Variants in SND1 observed in about 807,000 individuals in gnomAD.
SND1 encodes staphylococcal nuclease and tudor domain containing 1.
Under a neutral mutation model 121.7 loss-of-function variants are expected in SND1, and 38 were observed. The observed-to-expected ratio is 0.31, with a 90% confidence interval of 0.24 to 0.41. The LOEUF (loss-of-function observed/expected upper bound fraction) is 0.41. SND1 is among the 10% of genes least tolerant of loss of function. The pLI is 1.00. For missense variants in SND1, 868 were observed against 1,184.6 expected (o/e 0.73, Z 3.92); for synonymous variants, 401 against 447.4 (o/e 0.90, Z 1.31).
intron 16 of SND1, among the ~76,000 whole-genome samples, chr7:128,018,164 C>CA (rs2116958931): frequency 6.6e-6 from 1 of 152,328 alleles, no homozygotes; most frequent in South Asian, 2.1e-4. Context: ...TGTGTGTCAG[C>CA]AAAAGAAGCA....
At chr7:127,742,266 G>A (rs1455334588) in intron 10 of SND1, among the ~76,000 whole-genome samples, 1 of 152,130 alleles carries the variant, frequency 6.6e-6, no homozygotes, top group Non-Finnish European at 1.5e-5. Context: ...TGTTTAAATT[G>A]CATCAAATTA....
intron 16 of SND1, among the ~76,000 whole-genome samples, chr7:128,020,337 T>C (rs1046909192): frequency 2.0e-5 from 3 of 152,132 alleles, no homozygotes; most frequent in Non-Finnish European, 2.9e-5. Context: ...GGGGCACTAA[T>C]CACTTTGCCA....
intron 13 of SND1, among the ~76,000 whole-genome samples, chr7:127,890,417 G>A (rs534314613): frequency 4.6e-5 from 7 of 152,254 alleles, no homozygotes; most frequent in South Asian, 2.1e-4. Context: ...AGTAGGAAAT[G>A]GAACAATTAC....
chr7:127,861,672 C>T (rs1284669615), intron 12 of SND1, among the ~76,000 whole-genome samples: 3 of 152,180 alleles, frequency 2.0e-5, no homozygotes, highest in Non-Finnish European at 4.4e-5. Flanking sequence ...GACAGGGTTT[C>T]GCCATGTTGG....
chr7:127,818,079 C>G (rs367622400), intron 11 of SND1, among the ~76,000 whole-genome samples: 2 of 152,124 alleles, frequency 1.3e-5, no homozygotes, highest in African/African-American at 4.8e-5. Flanking sequence ...TCCTTGTCAC[C>G]TGCTTTTTAA....
At chr7:127,852,820 AAG>A (rs1385035496) in intron 12 of SND1, among the ~76,000 whole-genome samples, 1 of 152,090 alleles carries the variant, frequency 6.6e-6, no homozygotes, top group East Asian at 1.9e-4. Flanking sequence ...CAAAAAAAAA[AAG>A]AAGAAAAAGA....
chr7:127,691,221 AAAAAATT>A (rs1425134462), intron 2 of SND1, among the ~76,000 whole-genome samples: 1 of 152,206 alleles, frequency 6.6e-6, no homozygotes, highest in African/African-American at 2.4e-5. Flanking sequence ...GAAATAAAAA[AAAAAATT>A]AAGAAATACT....
chr7:127,910,672 G>A lies in SND1; in HGVS notation c.1527+5853G>A, dbSNP rs182409832. 3.9e-5 allele frequency among the ~76,000 whole-genome samples: 6 copies of A among 152,166 alleles called. No individual in the cohort carries two copies. In the East Asian group the frequency reaches 1.2e-3, roughly 29 times the overall value. ...TTTTTCTAGTCTCTGGTATTTGATG[G>A]CACAAATGCTCTCTGAGTGTATTTG... On this transcript the variant is annotated intron_variant, in intron 14 of 23. Transcript: ENST00000354725.
At chr7:127,897,461 G>A (rs1800143222) in intron 13 of SND1, among the ~76,000 whole-genome samples, 1 of 152,092 alleles carries the variant, frequency 6.6e-6, no homozygotes, top group Non-Finnish European at 1.5e-5. Flanking sequence ...TGATTTCAGT[G>A]AACAAGTAAA....
At chr7:127,926,553 T>TC (rs1800839063) in intron 14 of SND1, among the ~76,000 whole-genome samples, 1 of 135,190 alleles carries the variant, frequency 7.4e-6, no homozygotes, top group Non-Finnish European at 1.6e-5. Flanking sequence ...CTTTTTCTTT[T>TC]TTTTTTTTTT....
chr7:127,834,538 C>G (rs1297945544), intron 11 of SND1, among the ~76,000 whole-genome samples: 2 of 152,132 alleles, frequency 1.3e-5, no homozygotes, highest in African/African-American at 2.4e-5. Flanking sequence ...TGTCATTGTT[C>G]TATGCACGCC....
chr7:127,764,354 C>T (rs1170493959), intron 10 of SND1, among the ~76,000 whole-genome samples: 3 of 152,234 alleles, frequency 2.0e-5, no homozygotes, highest in Non-Finnish European at 2.9e-5. Flanking sequence ...GTTAGCTCCA[C>T]TGAGTAGGTA....
At chr7:127,912,326 G>A (rs1428857773) in intron 14 of SND1, among the ~76,000 whole-genome samples, 1 of 152,058 alleles carries the variant, frequency 6.6e-6, no homozygotes, top group Non-Finnish European at 1.5e-5. Flanking sequence ...ACCTCCTTTT[G>A]TAGATCTTAG....
At chr7:127,822,181 C>G (rs1798560258) in intron 11 of SND1, among the ~76,000 whole-genome samples, 4 of 152,088 alleles carry the variant, frequency 2.6e-5, no homozygotes, top group Admixed American at 2.6e-4. Flanking sequence ...CTTGTAAGTC[C>G]TTTCAGGGTT....
At chr7:128,007,413 C>T (rs965899931) in intron 16 of SND1, among the ~76,000 whole-genome samples, 2 of 152,120 alleles carry the variant, frequency 1.3e-5, no homozygotes, top group Admixed American at 6.5e-5. Context: ...GGAAGTGGCT[C>T]GGCTCCTAGT....
chr7:128,019,988 T>C (rs1483391887), intron 16 of SND1, among the ~76,000 whole-genome samples: 1 of 152,176 alleles, frequency 6.6e-6, no homozygotes, highest in Non-Finnish European at 1.5e-5. Context: ...TGCATGACCT[T>C]GAACAGACCT....
chr7:127,752,098 C>T (rs1365267997), intron 10 of SND1, among the ~76,000 whole-genome samples: 4 of 152,212 alleles, frequency 2.6e-5, no homozygotes, highest in Admixed American at 6.5e-5. Context: ...TCTGCCTTTC[C>T]CCTTCTCATC....
intron 22 of SND1, chr7:128,089,936 C>G: frequency 4.1e-6 from 2 of 491,620 alleles, no homozygotes; most frequent in Non-Finnish European, 7.4e-6. Context: ...GCTTCCCTCC[C>G]CATGTACCCC....
At chr7:127,760,083 A>G (rs1313896142) in intron 10 of SND1, among the ~76,000 whole-genome samples, 4 of 152,070 alleles carry the variant, frequency 2.6e-5, no homozygotes, top group Admixed American at 6.5e-5. Context: ...TGCCCTCCCT[A>G]TGGACTCCCC....
Sources: gnomAD v4.1 joint callset for allele counts (sites outside exome capture counted in the v4.1 genomes callset) on GRCh38, gnomAD v4.1.1 for gene constraint, MANE v1.5 for transcripts, NCBI Gene and HGNC (gene_info 2026-07-23, HGNC 2026-07-21) for gene names.